LASP1: variants seen among roughly 807,000 people sequenced by gnomAD.
LASP1 encodes LIM and SH3 protein 1, also known as LIM and SH3 domain protein 1.
Under a neutral mutation model 38.6 loss-of-function variants are expected in LASP1, and 10 were observed. That is an observed-to-expected ratio of 0.26 (90% CI 0.16 to 0.44). LASP1 has a LOEUF of 0.44. LASP1 is among the 20% of genes least tolerant of loss of function. The pLI is 1.00. For synonymous variants in LASP1, 132 were observed against 140.8 expected (o/e 0.94, Z 0.44); for missense variants, 243 against 375.7 (o/e 0.65, Z 2.92).
rs1567707747 is a variant in LASP1, at chr17:38,919,253, G to GAGA, written c.*475_*476insAGA. The GAGA allele has an allele frequency of 3.7e-4, 91 of 247,816 alleles. No homozygotes were observed. Among genetic ancestry groups the GAGA allele is most frequent in the Admixed American group, 1.3e-3 (26 of 20,336 alleles). 15.4% of individuals were successfully genotyped at this position (247,816 alleles called of 1,614,324 possible). Reference sequence around the variant, plus strand: ...CGATGGGGACTCTGCCGCTGTGTAGGGACCAGTGGGATGGGCTCTACCTCT... The same window carrying GAGA: ...CGATGGGGACTCTGCCGCTGTGTAGGAGAGACCAGTGGGATGGGCTCTACCTCT... On this transcript the variant is annotated 3_prime_UTR_variant, in exon 7 of 7. Coordinates refer to ENST00000318008, the MANE Select transcript of LASP1 (RefSeq NM_006148.4).
intron 2 of LASP1, among the ~76,000 whole-genome samples, chr17:38,888,852 C>T (rs1221688770): frequency 6.7e-6 from 1 of 149,256 alleles, no homozygotes; most frequent in Non-Finnish European, 1.5e-5. Flanking sequence ...GCCGTGGCTT[C>T]GGCTGCCTCC....
rs906897579 is a variant in LASP1, at chr17:38,918,499, C to G, written c.613-106C>G. 4.4e-6 allele frequency: 5 copies of G among 1,132,960 alleles called. No individual in the cohort carries two copies. Among genetic ancestry groups the G allele is most frequent in the Non-Finnish European group, 6.3e-6 (5 of 796,202 alleles). 70.2% of individuals were successfully genotyped at this position (1,132,960 alleles called of 1,614,324 possible). Reference sequence around the variant, plus strand: ...GCCTGGTGCTCCATTTCTGAGTTCACTGCTCCCCCAGGCTCTGCTCCAGGG... The same window carrying G: ...GCCTGGTGCTCCATTTCTGAGTTCAGTGCTCCCCCAGGCTCTGCTCCAGGG... On this transcript the variant is annotated intron_variant, in intron 6 of 6. Transcript: ENST00000318008. This position sits in a 1 kb window ranked among gnomAD's most constrained non-coding sequence, Gnocchi z 4.4.
At position 38,914,423 on chromosome 17, in the gene LASP1, C is replaced by T. The variant is rs1229394941; in HGVS notation, c.456C>T (p.Tyr152=). 2.5e-6 allele frequency: 4 copies of T among 1,611,428 alleles called. No individual in the cohort carries two copies. The highest frequency in any genetic ancestry group is 1.3e-5 in the African/African-American group (1 of 74,944). ...GGGATTCACAGGACGGCAGCAGCTA[C>T]CGGCGGCCCCTGGAGCAGCAGCAGC... The part of the protein sequence containing the change: ...ERRDSQDGSS[Y]RRPLEQQQPH... Residue 152 remains tyrosine, a synonymous_variant, in exon 5 of 7, where the codon TAC becomes TAT. Coordinates refer to ENST00000318008, the MANE Select transcript of LASP1 (RefSeq NM_006148.4).
Position 38,918,942 on chromosome 17 carries a change from C to G in LASP1, c.*164C>G, listed in dbSNP as rs1411412103. Reference sequence around the variant, plus strand: ...TGCCAACTGAAGCCTTCTTCTGCCACTTCTGCGGGCTCCCTCCTCTGGCAG... The same window carrying G: ...TGCCAACTGAAGCCTTCTTCTGCCAGTTCTGCGGGCTCCCTCCTCTGGCAG... On this transcript the variant is annotated 3_prime_UTR_variant, in exon 7 of 7. Transcript: ENST00000318008. This position sits in a 1 kb window ranked among gnomAD's most constrained non-coding sequence, Gnocchi z 4.4. 3 of 742,142 alleles carry G rather than the reference C, an allele frequency of 4.0e-6. No homozygotes were observed. The highest frequency in any genetic ancestry group is 6.5e-6 in the Non-Finnish European group (3 of 461,586). 46.0% of individuals were successfully genotyped at this position (742,142 alleles called of 1,614,324 possible).
At chr17:38,881,690 A>T in intron 2 of LASP1, among the ~76,000 whole-genome samples, 1 of 152,224 alleles carries the variant, frequency 6.6e-6, no homozygotes, top group Non-Finnish European at 1.5e-5. Context: ...AGCCCAGTGC[A>T]GGACCCGTAG....
chr17:38,919,556 C>G lies in LASP1; in HGVS notation c.*778C>G, dbSNP rs1049576776. 1.6e-5 allele frequency: 4 copies of G among 247,380 alleles called. No individual in the cohort carries two copies. The highest frequency in any genetic ancestry group is 8.7e-5 in the African/African-American group (4 of 45,854). The allele number at this position is 247,380 out of a possible 1,614,324, so 15.3% of individuals were successfully genotyped here. On this transcript the variant is annotated 3_prime_UTR_variant, in exon 7 of 7. Transcript: ENST00000318008. Reference sequence around the variant, plus strand: ...AGGAGTTCTCTTCCGCAGCCCCTTTCCCCACGCCCACCCCCAGTCTCCAGG... The same window carrying G: ...AGGAGTTCTCTTCCGCAGCCCCTTTGCCCACGCCCACCCCCAGTCTCCAGG...
At chr17:38,872,869 C>T (rs182860932) in intron 1 of LASP1, among the ~76,000 whole-genome samples, 1 of 152,200 alleles carries the variant, frequency 6.6e-6, no homozygotes, top group East Asian at 1.9e-4. Flanking sequence ...TGAAGGCCAC[C>T]CTGCCCCCAA....
intron 3 of LASP1, 85 bp from the exon 4 acceptor site, chr17:38,898,327 A>G (rs1598114045): frequency 2.6e-6 from 2 of 776,118 alleles, no homozygotes; most frequent in South Asian, 3.5e-5. Flanking sequence ...CTGTCTCCTG[A>G]CTGGTTGCTG....
intron 4 of LASP1, among the ~76,000 whole-genome samples, chr17:38,912,491 T>C (rs1196892493): frequency 3.3e-5 from 5 of 150,296 alleles, no homozygotes; most frequent in African/African-American, 1.3e-4. Flanking sequence ...AGGATCTGGT[T>C]GCCACAGGGT....
Position 38,918,507 on chromosome 17 carries a change from C to T in LASP1, c.613-98C>T, listed in dbSNP as rs1180811097. Reference sequence around the variant, plus strand: ...CTCCATTTCTGAGTTCACTGCTCCCCCAGGCTCTGCTCCAGGGTCGTGGAG... The same window carrying T: ...CTCCATTTCTGAGTTCACTGCTCCCTCAGGCTCTGCTCCAGGGTCGTGGAG... On this transcript the variant is annotated intron_variant, in intron 6 of 6. Coordinates refer to ENST00000318008, the MANE Select transcript of LASP1 (RefSeq NM_006148.4). This position sits in a 1 kb window ranked among gnomAD's most constrained non-coding sequence, Gnocchi z 4.4. 2.4e-6 allele frequency: 3 copies of T among 1,239,464 alleles called. No homozygotes were observed. Among genetic ancestry groups the T allele is most frequent in the African/African-American group, 3.0e-5 (2 of 66,268 alleles). 76.8% of individuals were successfully genotyped at this position (1,239,464 alleles called of 1,614,324 possible). A position where few individuals can be genotyped will look rare whatever the true frequency, so the allele number is the denominator to read the frequency against.
At chr17:38,912,753 C>T (rs1183238104) in intron 4 of LASP1, among the ~76,000 whole-genome samples, 5 of 152,130 alleles carry the variant, frequency 3.3e-5, no homozygotes, top group Non-Finnish European at 7.4e-5. Flanking sequence ...CCGGTGTTCT[C>T]GTCCCACCAT....
chr17:38,900,380 C>CAAAAAAAAAGA (rs368314969), intron 4 of LASP1, among the ~76,000 whole-genome samples: 1 of 113,562 alleles, frequency 8.8e-6, no homozygotes, highest in Non-Finnish European at 1.8e-5. Flanking sequence ...ACCCTGTTTC[C>CAAAAAAAAAGA]AAAAAAAAAA....
chr17:38,875,382 G>A (rs773025465), intron 1 of LASP1, among the ~76,000 whole-genome samples: 26 of 152,158 alleles, frequency 1.7e-4, no homozygotes, highest in Non-Finnish European at 3.5e-4. Context: ...AGGGGCCTGT[G>A]GGGGCAGGGA....
chr17:38,909,606 C>CAAA (rs980117636), intron 4 of LASP1, among the ~76,000 whole-genome samples: 1 of 136,082 alleles, frequency 7.3e-6, no homozygotes, highest in African/African-American at 2.7e-5. Flanking sequence ...GACTCCATCT[C>CAAA]AAAAAAAAAA....
intron 2 of LASP1, among the ~76,000 whole-genome samples, chr17:38,887,876 C>T (rs142278586): frequency 1.2e-4 from 19 of 152,250 alleles, no homozygotes; most frequent in South Asian, 2.1e-4. Context: ...GCCATGTGGG[C>T]GGCAGGAGAA....
intron 5 of LASP1, 32 bp downstream of exon 5, chr17:38,914,507 T>A: frequency 6.4e-7 from 1 of 1,566,434 alleles, no homozygotes; most frequent in Non-Finnish European, 8.7e-7. Context: ...GCAGATGACC[T>A]GAGGCGAGGC....
chr17:38,900,605 A>G (rs1400570029), intron 4 of LASP1, among the ~76,000 whole-genome samples: 4 of 152,092 alleles, frequency 2.6e-5, no homozygotes, highest in African/African-American at 9.7e-5. Flanking sequence ...CTCGGGAGGC[A>G]GAGGTTGCAG....
intron 1 of LASP1, among the ~76,000 whole-genome samples, chr17:38,877,167 A>T (rs552917466): frequency 6.6e-6 from 1 of 152,222 alleles, no homozygotes; most frequent in Non-Finnish European, 1.5e-5. Flanking sequence ...AGAGGTGCCA[A>T]GTGCTGTGCT....
At chr17:38,905,956 C>T (rs1020511502) in intron 4 of LASP1, among the ~76,000 whole-genome samples, 1 of 151,924 alleles carries the variant, frequency 6.6e-6, no homozygotes, top group African/African-American at 2.4e-5. Context: ...GCTACTCGAG[C>T]GGCTGAGGTG....
Sources: gnomAD v4.1 joint callset for allele counts (sites outside exome capture counted in the v4.1 genomes callset) on GRCh38, gnomAD v4.1.1 for gene constraint, Gnocchi (gnomAD v3.1) non-coding constraint, MANE v1.5 for transcripts, NCBI Gene and HGNC (gene_info 2026-07-23, HGNC 2026-07-21) for gene names.